DNAJA3: variants seen among roughly 807,000 people sequenced by gnomAD.
The protein encoded by DNAJA3 is dnaJ homolog subfamily A member 3, mitochondrial.
Under a neutral mutation model 54.9 loss-of-function variants are expected in DNAJA3, and 29 were observed. The ratio of observed to expected loss-of-function variants is 0.53; its 90% CI spans 0.39 to 0.72. The LOEUF is 0.72. DNAJA3 is among the 30% of genes least tolerant of loss of function. The pLI, the probability that DNAJA3 is intolerant of heterozygous loss-of-function variation, is 0.00. For missense variants in DNAJA3, 708 were observed against 639.4 expected (o/e 1.11, Z -1.16); for synonymous variants, 302 against 251.4 (o/e 1.20, Z -1.90).
At chr16:4,438,338 A>G (rs1434297648) in intron 3 of DNAJA3, among the ~76,000 whole-genome samples, 1 of 151,718 alleles carries the variant, frequency 6.6e-6, no homozygotes, top group Non-Finnish European at 1.5e-5. Flanking sequence ...AAAGAACAGG[A>G]TCCAATAATC....
chr16:4,437,706 A>C, intron 3 of DNAJA3: 1 of 443,502 alleles, frequency 2.3e-6, no homozygotes, highest in South Asian at 3.9e-5. Context: ...CTGAGGCAGG[A>C]GGATCACTTG....
At chr16:4,439,677 C>A (rs940767809) in intron 3 of DNAJA3, among the ~76,000 whole-genome samples, 93 of 152,172 alleles carry the variant, frequency 6.1e-4, no homozygotes, top group African/African-American at 2.2e-3. Context: ...TGTTATTAAA[C>A]GGACCGAGCC....
chr16:4,448,314 T>C (rs921724759), intron 8 of DNAJA3, among the ~76,000 whole-genome samples: 7 of 151,094 alleles, frequency 4.6e-5, no homozygotes, highest in South Asian at 2.1e-4. Context: ...CATGAGCCAC[T>C]GCGCCCGGCC....
chr16:4,433,171 G>C (rs529229748), intron 1 of DNAJA3: 4 of 152,212 alleles, frequency 2.6e-5, no homozygotes. Context: ...CTTCCTATCT[G>C]TTAAGTGGAT....
At chr16:4,436,129 CGT>C (rs1567325894) in intron 2 of DNAJA3, among the ~76,000 whole-genome samples, 1 of 151,966 alleles carries the variant, frequency 6.6e-6, no homozygotes, top group African/African-American at 2.4e-5. Context: ...TTTGGAGAAA[CGT>C]GTGTTTGGAT....
At chr16:4,427,934 T>C (rs530814907) in intron 1 of DNAJA3, among the ~76,000 whole-genome samples, 168 of 152,012 alleles carry the variant, frequency 1.1e-3, no homozygotes, top group Admixed American at 2.8e-3. Flanking sequence ...CATCAGCCAC[T>C]GCACCTGGCC....
intron 1 of DNAJA3, chr16:4,431,755 T>G (rs2056704972): frequency 1.3e-5 from 2 of 152,218 alleles, no homozygotes; most frequent in Admixed American, 1.3e-4. Context: ...TTTTTGTATT[T>G]TTAGTAGAGA....
rs996464724 is a variant in DNAJA3 at position 4,448,644 on chromosome 16, A to G, written c.1126-89A>G. 83 of 894,318 alleles carry G rather than the reference A, an allele frequency of 9.3e-5. 1 individual carries two copies. Among genetic ancestry groups the G allele is most frequent in the Non-Finnish European group, 1.3e-4 (74 of 558,712 alleles). The allele number at this position is 894,318 out of a possible 1,614,324, so 55.4% of individuals were successfully genotyped here. ...AGCCAGTGGTAGTTCTTTTCAAGGA[A>G]TTCCTATCAAGATTGTCTTCATGTA... On this transcript the variant is annotated intron_variant, in intron 8 of 11. Coordinates refer to ENST00000262375, the MANE Select transcript of DNAJA3 (RefSeq NM_005147.6).
intron 2 of DNAJA3, among the ~76,000 whole-genome samples, chr16:4,436,828 G>A (rs954658320): frequency 7.9e-5 from 12 of 151,742 alleles, no homozygotes; most frequent in African/African-American, 1.7e-4. Flanking sequence ...GAGCCACTGC[G>A]CCCGGCCCCC....
At chr16:4,447,401 G>C (rs2056915708) in intron 8 of DNAJA3, 1 of 178,866 alleles carries the variant, frequency 5.6e-6, no homozygotes, top group Admixed American at 6.0e-5. Flanking sequence ...CTGCCTGTGT[G>C]CTGCCAGCAC....
chr16:4,449,221 C>G (rs999254454), intron 9 of DNAJA3, among the ~76,000 whole-genome samples: 1 of 152,096 alleles, frequency 6.6e-6, no homozygotes, highest in African/African-American at 2.4e-5. Context: ...TGGCCTCAAT[C>G]TCCTGACCTA....
intron 8 of DNAJA3, 146 bp downstream of exon 8, chr16:4,447,160 C>T: frequency 1.1e-6 from 1 of 946,420 alleles, no homozygotes; most frequent in Non-Finnish European, 1.5e-6. Flanking sequence ...GAATTTTAGG[C>T]TGCTCCTTGA....
At chr16:4,443,584 CA>C (rs2056864928) in intron 6 of DNAJA3, among the ~76,000 whole-genome samples, 1 of 152,130 alleles carries the variant, frequency 6.6e-6, no homozygotes, top group Non-Finnish European at 1.5e-5. Flanking sequence ...TTCCCTTGCC[CA>C]AAACTCACTT....
At chr16:4,443,261 C>T (rs979314792) in intron 6 of DNAJA3, 97 bp downstream of exon 6, 3 of 1,467,620 alleles carry the variant, frequency 2.0e-6, no homozygotes, top group Non-Finnish European at 2.7e-6. Flanking sequence ...GCCGAGGCCA[C>T]TGCACTGAGT....
chr16:4,436,314 A>G (rs1299925452), intron 2 of DNAJA3, among the ~76,000 whole-genome samples: 1 of 152,224 alleles, frequency 6.6e-6, no homozygotes, highest in Non-Finnish European at 1.5e-5. Flanking sequence ...GATTGAAAAG[A>G]TGGAGGCTGG....
intron 1 of DNAJA3, among the ~76,000 whole-genome samples, chr16:4,429,248 G>C (rs2056662584): frequency 6.6e-6 from 1 of 151,202 alleles, no homozygotes; most frequent in Non-Finnish European, 1.5e-5. Context: ...CTGGAGTGCA[G>C]TGGTGCGATC....
intron 5 of DNAJA3, 162 bp downstream of exon 5, chr16:4,442,582 T>C (rs2056849648): frequency 1.2e-6 from 1 of 836,664 alleles, no homozygotes; most frequent in Non-Finnish European, 1.7e-6. Flanking sequence ...GAGCCTGTGC[T>C]CCTCTTTCCC....
At position 4,455,553 on chromosome 16, in the gene DNAJA3, A is replaced by G; in HGVS notation, c.*21A>G. The G allele has an allele frequency of 6.4e-7, 1 of 1,551,810 alleles. No individual in the cohort carries two copies. The highest frequency in any genetic ancestry group is 1.2e-5 in the South Asian group (1 of 84,066). On this transcript the variant is annotated 3_prime_UTR_variant, in exon 12 of 12. Coordinates refer to ENST00000262375, the MANE Select transcript of DNAJA3 (RefSeq NM_005147.6). ...CCTATCTCTTTGGCTCAGGAAAAAG[A>G]TCCACTGGAAACTAGGCCGGGAAGC...
intron 3 of DNAJA3, 40 bp from the exon 4 acceptor site, chr16:4,441,335 G>A (rs1420899879): frequency 6.4e-7 from 1 of 1,573,960 alleles, no homozygotes. Context: ...CTGGGCCTTG[G>A]TAGACCTGGG....
Sources: allele counts gnomAD v4.1 joint callset (sites outside exome capture counted in the v4.1 genomes callset), GRCh38; gene constraint gnomAD v4.1.1; transcripts MANE v1.5; gene names NCBI Gene and HGNC (gene_info 2026-07-23, HGNC 2026-07-21).